The following DAB1 variants were observed in gnomAD, a reference collection of about 807,000 sequenced individuals.
DAB1 encodes disabled homolog 1.
DAB1 carries 15 observed loss-of-function variants against 64.6 expected under a neutral mutation model. That is an observed-to-expected ratio of 0.23 (90% confidence interval 0.16 to 0.36). The LOEUF is 0.36. Among genes scored for constraint, DAB1 ranks in the 10% least tolerant of loss-of-function variants. DAB1 has a pLI of 1.00. For synonymous variants in DAB1, 235 were observed against 251.9 expected (o/e 0.93, Z 0.64); for missense variants, 596 against 706.7 (o/e 0.84, Z 1.78).
intron 2 of DAB1, among the ~76,000 whole-genome samples, chr1:58,513,190 G>A (rs1229872408): frequency 6.6e-6 from 1 of 152,054 alleles, no homozygotes; most frequent in East Asian, 1.9e-4. Flanking sequence ...GAGTTCTCAT[G>A]GGATCTGATG....
At chr1:57,551,290 A>G (rs1180462478) in intron 7 of DAB1, among the ~76,000 whole-genome samples, 1 of 152,174 alleles carries the variant, frequency 6.6e-6, no homozygotes, top group African/African-American at 2.4e-5. Context: ...ATCCCATTAA[A>G]TAGATGTCTA....
chr1:57,522,993 A>G (rs7525904), intron 7 of DAB1, among the ~76,000 whole-genome samples: 70,127 of 152,092 alleles, frequency 0.46, 17,719 homozygotes, highest in Non-Finnish European at 0.58. Flanking sequence ...TAAAGGCTGC[A>G]CTGTCAGATT....
intron 6 of DAB1, among the ~76,000 whole-genome samples, chr1:57,677,411 G>C (rs1030573167): frequency 6.6e-6 from 1 of 152,184 alleles, no homozygotes; most frequent in Non-Finnish European, 1.5e-5. Flanking sequence ...AGGCTCAAGA[G>C]ACAATGACAA....
intron 9 of DAB1, among the ~76,000 whole-genome samples, chr1:57,037,913 A>C (rs1647235888): frequency 6.6e-6 from 1 of 152,182 alleles, no homozygotes; most frequent in Non-Finnish European, 1.5e-5. Context: ...GGATGATGTA[A>C]AGTTCTCTAT....
chr1:57,484,396 G>A (rs567400209), intron 7 of DAB1, among the ~76,000 whole-genome samples: 2 of 152,328 alleles, frequency 1.3e-5, no homozygotes, highest in East Asian at 3.9e-4. Flanking sequence ...TGGGGAGTGG[G>A]AGAGGAATCA....
At chr1:57,433,851 CAA>C (rs59390528) in intron 7 of DAB1, among the ~76,000 whole-genome samples, 5 of 108,804 alleles carry the variant, frequency 4.6e-5, no homozygotes, top group Admixed American at 9.4e-5. Flanking sequence ...GACAGCTCAC[CAA>C]AAAAAAAAAA....
At chr1:58,208,963 G>A (rs1024049732) in intron 4 of DAB1, among the ~76,000 whole-genome samples, 2 of 152,178 alleles carry the variant, frequency 1.3e-5, no homozygotes, top group African/African-American at 2.4e-5. Context: ...AGTTAATTAA[G>A]AGAAACCTGA....
chr1:58,456,645 G>T (rs2100303207), intron 3 of DAB1, among the ~76,000 whole-genome samples: 1 of 152,278 alleles, frequency 6.6e-6, no homozygotes. Context: ...CAGAAAGCAA[G>T]GTTTGCAGAA....
intron 3 of DAB1, among the ~76,000 whole-genome samples, chr1:58,405,369 T>C (rs1182249742): frequency 1.3e-5 from 2 of 152,032 alleles, no homozygotes; most frequent in Non-Finnish European, 2.9e-5. Context: ...TATAAATCTA[T>C]TCTGTTTGTT....
intron 4 of DAB1, among the ~76,000 whole-genome samples, chr1:58,177,307 G>A (rs948584784): frequency 6.6e-6 from 1 of 152,046 alleles, no homozygotes; most frequent in Non-Finnish European, 1.5e-5. Flanking sequence ...CCAGTGCCAG[G>A]CACAATACCT....
At chr1:57,279,175 A>C (rs1298631850) in intron 2 of DAB1, among the ~76,000 whole-genome samples, 3 of 152,228 alleles carry the variant, frequency 2.0e-5, no homozygotes, top group African/African-American at 7.2e-5. Context: ...TATATCTTCC[A>C]TATCCATGGG....
chr1:57,756,778 C>T (rs1474938917), intron 6 of DAB1, among the ~76,000 whole-genome samples: 1 of 152,100 alleles, frequency 6.6e-6, no homozygotes. Context: ...TCTACATCTA[C>T]TAAGTGGTAA....
chr1:58,131,931 C>G (rs1421929835), intron 5 of DAB1, among the ~76,000 whole-genome samples: 1 of 150,990 alleles, frequency 6.6e-6, no homozygotes, highest in African/African-American at 2.4e-5. Context: ...GCCCTGCCCC[C>G]AGAGGTGGTG....
chr1:57,472,495 T>C (rs1375952745), intron 7 of DAB1, among the ~76,000 whole-genome samples: 3 of 152,192 alleles, frequency 2.0e-5, no homozygotes, highest in Non-Finnish European at 4.4e-5. Context: ...TAGTTAAAGA[T>C]CAACCCCTGA....
chr1:58,221,819 T>C (rs1659185896), intron 4 of DAB1, among the ~76,000 whole-genome samples: 1 of 152,196 alleles, frequency 6.6e-6, no homozygotes, highest in Non-Finnish European at 1.5e-5. Context: ...CTGGGTCTTA[T>C]AGCATCTTCA....
chr1:58,158,996 A>G (rs1655367456), intron 4 of DAB1, among the ~76,000 whole-genome samples: 1 of 152,218 alleles, frequency 6.6e-6, no homozygotes, highest in African/African-American at 2.4e-5. Context: ...ACCACACAAT[A>G]ATCACATGAC....
At chr1:58,520,249 T>C (rs935386618) in intron 2 of DAB1, among the ~76,000 whole-genome samples, 3 of 151,720 alleles carry the variant, frequency 2.0e-5, no homozygotes, top group African/African-American at 4.8e-5. Flanking sequence ...AACCTAAACG[T>C]TGAAAAAAAT....
Position 57,323,889 on chromosome 1 carries a change from G to C in DAB1, c.-136-32723C>G, listed in dbSNP as rs531867569. Among the ~76,000 whole-genome samples the C allele has an allele frequency of 4.6e-5, 7 of 152,140 alleles. No homozygotes were observed. In the South Asian group the frequency reaches 1.5e-3, roughly 32 times the overall value. On this transcript the variant is annotated intron_variant, in intron 1 of 14. Transcript: ENST00000371236. ...ATGTTTCCGAGAGTGGTGTCAAGCA[G>C]TATAGGCAATGTGAGGATGATAGGT...
chr1:57,674,891 C>A (rs1158318743), intron 6 of DAB1, among the ~76,000 whole-genome samples: 1 of 152,172 alleles, frequency 6.6e-6, no homozygotes, highest in Non-Finnish European at 1.5e-5. Context: ...CAGTAACAAT[C>A]AGCAAATAAT....
Sources: gnomAD v4.1 joint callset for allele counts (sites outside exome capture counted in the v4.1 genomes callset) on GRCh38, gnomAD v4.1.1 for gene constraint, MANE v1.5 for transcripts, NCBI Gene and HGNC (gene_info 2026-07-23, HGNC 2026-07-21) for gene names.